RELN: variants seen among roughly 807,000 people sequenced by gnomAD.
RELN encodes reelin.
RELN carries 108 observed loss-of-function variants against 427.6 expected under a neutral mutation model. The observed-to-expected ratio is 0.25, with a 90% CI of 0.22 to 0.30. The LOEUF is 0.30. Among genes scored for constraint, RELN ranks in the 10% least tolerant of loss-of-function variants. The pLI, the probability that RELN is intolerant of heterozygous loss-of-function variation, is 1.00. For synonymous variants in RELN, 1,524 were observed against 1,513.4 expected, an observed-to-expected ratio of 1.01 and a Z score of -0.16; for missense variants, 3,715 against 4,302.8, an observed-to-expected ratio of 0.86 and a Z score of 3.82.
chr7:103,606,049 C>G (rs74555669), intron 22 of RELN, among the ~76,000 whole-genome samples: 2 of 152,108 alleles, frequency 1.3e-5, no homozygotes, highest in African/African-American at 4.8e-5. Context: ...TTTAGAAAAG[C>G]CTACTATAAA....
At chr7:103,796,195 A>G (rs1584246195) in intron 3 of RELN, among the ~76,000 whole-genome samples, 1 of 152,242 alleles carries the variant, frequency 6.6e-6, no homozygotes, top group East Asian at 1.9e-4. Flanking sequence ...TAGGTCATAC[A>G]GAATACTGAT....
chr7:103,863,454 G>A (rs912451386), intron 2 of RELN, among the ~76,000 whole-genome samples: 9 of 152,152 alleles, frequency 5.9e-5, no homozygotes, highest in Non-Finnish European at 1.2e-4. Flanking sequence ...CTGGAATGCA[G>A]GTCTCCAAGG....
At position 103,544,390 on chromosome 7, in the gene RELN, G is replaced by A. The variant is rs189731585; in HGVS notation, c.6523+734C>T. Among the ~76,000 whole-genome samples the A allele has an allele frequency of 6.9e-4, 105 of 151,672 alleles. 1 individual carries two copies. Among genetic ancestry groups the A allele is most frequent in the Non-Finnish European group, 7.4e-4 (50 of 67,900 alleles). ...ATTACAAGTGCCTGCCAGCGTGCCC[G>A]GCTTTTTTGTATTTTTAGTAGAGAT... On this transcript the variant is annotated intron_variant, in intron 42 of 64. Coordinates refer to ENST00000428762, the MANE Select transcript of RELN (RefSeq NM_005045.4).
At position 103,875,599 on chromosome 7, in the gene RELN, CA is replaced by C. The variant is rs1393471100; in HGVS notation, c.337+41475del. On this transcript the variant is annotated intron_variant, in intron 2 of 64. Coordinates refer to ENST00000428762, the MANE Select transcript of RELN (RefSeq NM_005045.4). ...TGCTAAATATCAATTGTAATCTAAG[CA>C]AACTTAAAATGCTGTTTTAAAACTA... 5.9e-5 allele frequency among the ~76,000 whole-genome samples: 9 copies of C among 152,176 alleles called. No individual in the cohort carries two copies. The East Asian group carries it at 1.7e-3, about 29-fold the overall frequency.
intron 20 of RELN, among the ~76,000 whole-genome samples, chr7:103,629,412 A>G (rs1405235340): frequency 1.3e-5 from 2 of 152,180 alleles, no homozygotes; most frequent in Non-Finnish European, 2.9e-5. Context: ...CACTGGTCCA[A>G]TAGTGTTTGA....
At chr7:103,807,981 G>C (rs1443435610) in intron 3 of RELN, among the ~76,000 whole-genome samples, 2 of 152,078 alleles carry the variant, frequency 1.3e-5, no homozygotes, top group Admixed American at 1.3e-4. Context: ...ACTCTTCTGA[G>C]AACAGAGATA....
chr7:103,476,669 T>A (rs558814620), intron 64 of RELN: 3 of 292,100 alleles, frequency 1.0e-5, no homozygotes, highest in Non-Finnish European at 2.2e-5. Context: ...AAATGCTGTC[T>A]GCCTCTAAGA....
At chr7:103,582,621 A>G (rs938410729) in intron 28 of RELN, among the ~76,000 whole-genome samples, 2 of 152,180 alleles carry the variant, frequency 1.3e-5, no homozygotes, top group Admixed American at 6.5e-5. Flanking sequence ...TTTGCCTACC[A>G]AAGGCTGTAG....
intron 51 of RELN, among the ~76,000 whole-genome samples, chr7:103,507,219 C>T (rs1248586905): frequency 1.3e-5 from 2 of 152,326 alleles, no homozygotes; most frequent in Admixed American, 1.3e-4. Flanking sequence ...CTCAAATCAA[C>T]AGAATATACA....
At chr7:103,946,100 C>T (rs1162762120) in intron 1 of RELN, among the ~76,000 whole-genome samples, 2 of 152,188 alleles carry the variant, frequency 1.3e-5, no homozygotes, top group East Asian at 1.9e-4. Context: ...AAAGCACTGA[C>T]TGTGTTTGCC....
At chr7:103,908,635 T>G (rs1795271773) in intron 2 of RELN, among the ~76,000 whole-genome samples, 1 of 152,210 alleles carries the variant, frequency 6.6e-6, no homozygotes, top group Non-Finnish European at 1.5e-5. Flanking sequence ...TCAATAGCTG[T>G]ATATTTGTCA....
intron 10 of RELN, among the ~76,000 whole-genome samples, chr7:103,695,572 A>C (rs1157521272): frequency 2.6e-5 from 4 of 152,118 alleles, no homozygotes; most frequent in Non-Finnish European, 4.4e-5. Flanking sequence ...GTGGTAACAA[A>C]GTACATGCAA....
chr7:103,954,429 G>A (rs987201873), intron 1 of RELN, among the ~76,000 whole-genome samples: 1 of 147,424 alleles, frequency 6.8e-6, no homozygotes, highest in Non-Finnish European at 1.5e-5. Flanking sequence ...TGTAAATGAG[G>A]ATGTATGTGT....
chr7:103,949,521 T>C (rs1398919213), intron 1 of RELN, among the ~76,000 whole-genome samples: 1 of 151,978 alleles, frequency 6.6e-6, no homozygotes, highest in Non-Finnish European at 1.5e-5. Context: ...AGCTTCCTTT[T>C]TCTCTCTCTC....
chr7:103,948,449 G>C (rs1351719563), intron 1 of RELN, among the ~76,000 whole-genome samples: 1 of 152,112 alleles, frequency 6.6e-6, no homozygotes, highest in Non-Finnish European at 1.5e-5. Context: ...AAGGCAGGTG[G>C]ATCACCTGAG....
In RELN at chr7:103,482,918, C is replaced by G; in HGVS notation, c.10235G>C (p.Gly3412Ala). The G allele has an allele frequency of 2.5e-6, 4 of 1,614,216 alleles. No homozygotes were observed. Among genetic ancestry groups the G allele is most frequent in the Non-Finnish European group, 3.4e-6 (4 of 1,180,036 alleles). The change falls in exon 63 of 65, where the codon GGA (glycine) becomes GCA (alanine). Residue 3412 changes from glycine (G) to alanine (A), a missense_variant. Physicochemically the swap from Gly to Ala is moderately conservative, Grantham distance 60. This residue lies in a region of RELN where 195 missense variants were observed against 281.3 expected (regional missense o/e 0.69). Coordinates refer to ENST00000428762, the MANE Select transcript of RELN (RefSeq NM_005045.4). ...CAAAGCCCATTGATCATGACCTGTT[C>G]CATTGTGGCGTGGTTGCCACCAGCG... ...LLRWWQPRHN[G>A]TGHDQWALDH...
intron 2 of RELN, among the ~76,000 whole-genome samples, chr7:103,870,714 A>G (rs1584316358): frequency 6.6e-6 from 1 of 151,902 alleles, no homozygotes; most frequent in Non-Finnish European, 1.5e-5. Flanking sequence ...ATTCCTACTC[A>G]CCTTCTAGTA....
At chr7:103,931,929 C>G (rs1795875369) in intron 1 of RELN, among the ~76,000 whole-genome samples, 1 of 152,192 alleles carries the variant, frequency 6.6e-6, no homozygotes, top group African/African-American at 2.4e-5. Flanking sequence ...ACACAATACA[C>G]TGTTGGAGGG....
chr7:103,727,922 A>G (rs1562974716), intron 7 of RELN, among the ~76,000 whole-genome samples, 189 bp downstream of exon 7: 1 of 97,954 alleles, frequency 1.0e-5, no homozygotes. Flanking sequence ...TTTATTACTG[A>G]ATTATTTATT....
Sources: gnomAD v4.1 joint callset for allele counts (sites outside exome capture counted in the v4.1 genomes callset) on GRCh38, gnomAD v4.1.1 for gene constraint, gnomAD v4.1.1 regional missense constraint, MANE v1.5 for transcripts, NCBI Gene and HGNC (gene_info 2026-07-23, HGNC 2026-07-21) for gene names.